Variants in COLEC10 observed in about 807,000 individuals in gnomAD.
The protein encoded by COLEC10 is collectin-10.
COLEC10 carries 22 observed loss-of-function variants against 28.4 expected under a neutral mutation model. The ratio of observed to expected loss-of-function variants is 0.78; its 90% CI spans 0.55 to 1.11. The LOEUF is 1.11. Among genes scored for constraint, COLEC10 ranks in the 50% least tolerant of loss-of-function variants. The pLI is 0.00. For missense variants in COLEC10, 361 were observed against 344.1 expected (o/e 1.05, Z -0.39); for synonymous variants, 125 against 116.1 (o/e 1.08, Z -0.49).
the COLEC10 span, among the ~76,000 whole-genome samples, chr8:118,957,635 C>T: frequency 3.3e-5 from 5 of 152,218 alleles, no homozygotes; most frequent in East Asian, 3.9e-4. Context: ...TAAATGTGAG[C>T]GAAGTCATTT....
intron 1 of COLEC10, among the ~76,000 whole-genome samples, chr8:119,071,026 C>T (rs1488247510): frequency 8.5e-5 from 13 of 152,258 alleles, no homozygotes. Context: ...GGCTCCAAGT[C>T]CAGTGTCATT....
intron 2 of COLEC10, among the ~76,000 whole-genome samples, chr8:119,045,524 T>A (rs957841888): frequency 6.6e-6 from 1 of 152,236 alleles, no homozygotes; most frequent in Non-Finnish European, 1.5e-5. Flanking sequence ...TGTTGATTGC[T>A]GAATTTTAAT....
chr8:118,990,712 A>G (rs1225987887), upstream of COLEC10, among the ~76,000 whole-genome samples: 3 of 152,168 alleles, frequency 2.0e-5, no homozygotes, highest in Admixed American at 6.6e-5. Flanking sequence ...CTGTACCACA[A>G]GTGCCATATG....
upstream of COLEC10, among the ~76,000 whole-genome samples, chr8:119,066,451 G>A (rs1464937482): frequency 6.6e-6 from 1 of 152,038 alleles, no homozygotes; most frequent in Non-Finnish European, 1.5e-5. Flanking sequence ...CCCTTATTTT[G>A]TAAAAGACTT....
At chr8:119,030,782 T>C (rs1482283873) in intron 2 of COLEC10, among the ~76,000 whole-genome samples, 1 of 152,230 alleles carries the variant, frequency 6.6e-6, no homozygotes, top group Middle Eastern at 3.2e-3. Flanking sequence ...AAAACGATGA[T>C]CATGGGAAGG....
chr8:119,034,924 A>G (rs971255593), intron 2 of COLEC10, among the ~76,000 whole-genome samples: 3 of 152,186 alleles, frequency 2.0e-5, no homozygotes, highest in Non-Finnish European at 4.4e-5. Context: ...TATTTAGTCT[A>G]ATGCCTGCCT....
intron 1 of COLEC10, among the ~76,000 whole-genome samples, chr8:118,999,593 TAA>T (rs35277668): frequency 2.2e-5 from 3 of 136,664 alleles, no homozygotes; most frequent in African/African-American, 2.6e-5. Context: ...TCCATCTCAA[TAA>T]AAAAAAAAAA....
intron 1 of COLEC10, among the ~76,000 whole-genome samples, chr8:119,074,568 G>C (rs943629977): frequency 3.3e-5 from 5 of 152,094 alleles, no homozygotes; most frequent in African/African-American, 1.2e-4. Flanking sequence ...GTTACCAACA[G>C]CTCTCTCCCC....
chr8:119,050,999 A>C, intron 2 of COLEC10, among the ~76,000 whole-genome samples: 1 of 152,308 alleles, frequency 6.6e-6, no homozygotes. Context: ...GAGAAAAGTG[A>C]CTGATTTTTT....
chr8:119,037,991 T>C (rs940275258), intron 2 of COLEC10, among the ~76,000 whole-genome samples: 2 of 152,206 alleles, frequency 1.3e-5, no homozygotes, highest in Non-Finnish European at 2.9e-5. Context: ...TGACACATAA[T>C]AGAGGCTCAA....
chr8:118,973,202 A>C, the COLEC10 span, among the ~76,000 whole-genome samples: 1 of 152,006 alleles, frequency 6.6e-6, no homozygotes, highest in Non-Finnish European at 1.5e-5. Context: ...TTCTGCCTTT[A>C]TTCCGTTTTA....
intron 2 of COLEC10, among the ~76,000 whole-genome samples, chr8:119,028,581 T>C (rs75119815): frequency 0.044 from 6,657 of 152,110 alleles, 214 homozygotes; most frequent in East Asian, 0.16. Flanking sequence ...ACGGGAAAGA[T>C]CAGCTACCAT....
chr8:119,052,506 C>A (rs1814691332), intron 2 of COLEC10, among the ~76,000 whole-genome samples: 1 of 152,262 alleles, frequency 6.6e-6, no homozygotes, highest in East Asian at 1.9e-4. Context: ...GCCTTAATTT[C>A]TAAGATCTGA....
At chr8:118,973,205 C>T in the COLEC10 span, among the ~76,000 whole-genome samples, 1 of 151,948 alleles carries the variant, frequency 6.6e-6, no homozygotes, top group Non-Finnish European at 1.5e-5. Flanking sequence ...TGCCTTTATT[C>T]CGTTTTAGTT....
the COLEC10 span, among the ~76,000 whole-genome samples, chr8:118,958,770 A>G: frequency 6.6e-6 from 1 of 152,180 alleles, no homozygotes; most frequent in Non-Finnish European, 1.5e-5. Context: ...ATATTTCAAT[A>G]TTTATCTTTC....
chr8:119,082,983 G>A (rs758571644), intron 1 of COLEC10, among the ~76,000 whole-genome samples: 12 of 152,100 alleles, frequency 7.9e-5, no homozygotes, highest in Non-Finnish European at 1.6e-4. Flanking sequence ...TTCTCCTGAG[G>A]CTTTGACCTC....
At chr8:118,962,624 A>G in the COLEC10 span, among the ~76,000 whole-genome samples, 1 of 151,784 alleles carries the variant, frequency 6.6e-6, no homozygotes, top group Non-Finnish European at 1.5e-5. Flanking sequence ...AACACTTAAC[A>G]TGAGATCTAC....
At chr8:119,011,707 C>T (rs1813903145) in intron 2 of COLEC10, among the ~76,000 whole-genome samples, 1 of 150,722 alleles carries the variant, frequency 6.6e-6, no homozygotes, top group Non-Finnish European at 1.5e-5. Flanking sequence ...GTATTTTGTG[C>T]TTTTGGGTGC....
At chr8:119,102,232 C>CA in intron 3 of COLEC10, 116 bp from the exon 4 acceptor site, 1 of 272,702 alleles carries the variant, frequency 3.7e-6, no homozygotes, top group Non-Finnish European at 7.0e-6. Flanking sequence ...CCCTCCCTCC[C>CA]TCCCTCCCTC....
Sources: gnomAD v4.1 joint callset for allele counts (sites outside exome capture counted in the v4.1 genomes callset) on GRCh38, gnomAD v4.1.1 for gene constraint, MANE v1.5 for transcripts, NCBI Gene and HGNC (gene_info 2026-07-23, HGNC 2026-07-21) for gene names.